CTXND2: variants seen among roughly 807,000 people sequenced by gnomAD.
The protein encoded by CTXND2 is cortexin domain containing 2.
At chr1:150,907,343 C>T (rs587768709) in intron 1 of CTXND2, among the ~76,000 whole-genome samples, 23 of 152,322 alleles carry the variant, frequency 1.5e-4, no homozygotes, top group African/African-American at 5.1e-4. Flanking sequence ...CATCCCCCAC[C>T]TCCAGCTCTA....
intron 1 of CTXND2, among the ~76,000 whole-genome samples, chr1:150,899,679 C>G (rs1256901905): frequency 3.3e-5 from 5 of 152,082 alleles, no homozygotes; most frequent in African/African-American, 1.2e-4. Flanking sequence ...AAAACATGGC[C>G]TGATGCAGTG....
chr1:150,893,191 G>T (rs1367140806), intron 1 of CTXND2, among the ~76,000 whole-genome samples: 1 of 151,852 alleles, frequency 6.6e-6, no homozygotes, highest in Admixed American at 6.6e-5. Context: ...AAATATAATT[G>T]ACTTATGTAT....
rs148706919 is a variant in CTXND2 at position 150,912,117 on chromosome 1, T to A, written c.-73-125T>A. The A allele has an allele frequency of 4.1e-4, 159 of 384,658 alleles. 1 individual carries two copies. In the East Asian group the frequency reaches 5.3e-3, roughly 13 times the overall value. 23.8% of individuals were successfully genotyped at this position (384,658 alleles called of 1,614,324 possible). A position where few individuals can be genotyped will look rare whatever the true frequency, so the allele number is the denominator to read the frequency against. The stretch of plus-strand genomic sequence containing the variant: ...ATATTAACTTTATCAGTTTTGTAAC[T>A]GCTTCTTAAGTAAATCTTACTGATA... On this transcript the variant is annotated intron_variant, in intron 1 of 1. Coordinates refer to ENST00000636087, the Ensembl canonical transcript of CTXND2.
At chr1:150,895,233 T>C (rs1188439749) in intron 1 of CTXND2, among the ~76,000 whole-genome samples, 1 of 152,112 alleles carries the variant, frequency 6.6e-6, no homozygotes, top group Non-Finnish European at 1.5e-5. Context: ...TTTTAAAAAA[T>C]AGACTATAGC....
intron 1 of CTXND2, among the ~76,000 whole-genome samples, chr1:150,901,700 G>A (rs987000649): frequency 4.0e-5 from 6 of 151,028 alleles, no homozygotes; most frequent in Non-Finnish European, 8.9e-5. Context: ...AGATCATGAG[G>A]TCAGGAGATC....
At chr1:150,894,187 T>C (rs1668886644) in intron 1 of CTXND2, among the ~76,000 whole-genome samples, 2 of 152,140 alleles carry the variant, frequency 1.3e-5, no homozygotes. Context: ...CTTGCATTTC[T>C]GGGAAAAACT....
intron 1 of CTXND2, among the ~76,000 whole-genome samples, chr1:150,907,930 T>C (rs1382737273): frequency 2.0e-5 from 3 of 152,158 alleles, no homozygotes; most frequent in African/African-American, 4.8e-5. Flanking sequence ...AGGATGGTCT[T>C]GATCTCCTAA....
intron 1 of CTXND2, among the ~76,000 whole-genome samples, chr1:150,894,814 T>C (rs1668893360): frequency 6.6e-6 from 1 of 152,070 alleles, no homozygotes; most frequent in Non-Finnish European, 1.5e-5. Context: ...GGCGGGTGGA[T>C]CACCTGAGGT....
intron 1 of CTXND2, among the ~76,000 whole-genome samples, chr1:150,896,977 T>C (rs1668921241): frequency 6.6e-6 from 1 of 151,990 alleles, no homozygotes; most frequent in South Asian, 2.1e-4. Context: ...ACAAAGAGAA[T>C]GTTAAAGGAA....
intron 1 of CTXND2, among the ~76,000 whole-genome samples, chr1:150,890,974 C>T (rs587759541): frequency 1.6e-4 from 25 of 152,258 alleles, no homozygotes; most frequent in African/African-American, 6.0e-4. Context: ...ACAAAGACTT[C>T]TATAACTAAT....
chr1:150,901,420 T>C (rs1038725937), intron 1 of CTXND2, among the ~76,000 whole-genome samples: 1 of 152,190 alleles, frequency 6.6e-6, no homozygotes, highest in African/African-American at 2.4e-5. Flanking sequence ...ATGTGGAAAC[T>C]CAGGGACTCT....
exon 2 of CTXND2, chr1:150,912,611 G>A (rs1457091700): frequency 5.0e-6 from 2 of 396,782 alleles, no homozygotes; most frequent in East Asian, 7.1e-5. Context: ...TGAAACACAA[G>A]CCAGTTTGTA....
intron 1 of CTXND2, among the ~76,000 whole-genome samples, chr1:150,900,812 T>C (rs1030563696): frequency 5.9e-5 from 9 of 152,064 alleles, no homozygotes; most frequent in Admixed American, 2.0e-4. Context: ...GAACAGACCA[T>C]TTACATAAAA....
rs957430482 is a variant in CTXND2, at chr1:150,898,403, T to C, written c.-74+11090T>C. Among the ~76,000 whole-genome samples, 3 of 152,104 alleles carry C rather than the reference T, an allele frequency of 2.0e-5. No individual in the cohort carries two copies. The East Asian group carries it at 5.8e-4, about 29-fold the overall frequency. On this transcript the variant is annotated intron_variant, in intron 1 of 1. Transcript: ENST00000636087. ...AGCCCTCTTGGGTGGAATCTTCTTT[T>C]ATATGACCTCAGACTGGACCCTATC...
chr1:150,903,720 C>A (rs1337785939), intron 1 of CTXND2, among the ~76,000 whole-genome samples: 1 of 151,766 alleles, frequency 6.6e-6, no homozygotes, highest in African/African-American at 2.4e-5. Context: ...ATCGCTTGAA[C>A]CTGGGAGGCA....
intron 1 of CTXND2, among the ~76,000 whole-genome samples, chr1:150,902,745 CTCTT>C (rs587698353): frequency 1.5e-3 from 234 of 152,102 alleles, no homozygotes; most frequent in African/African-American, 5.4e-3. Flanking sequence ...GGGGAAAAAA[CTCTT>C]AAAGTGGAAT....
At chr1:150,899,121 TAAATAAATAAAC>T (rs139214344) in intron 1 of CTXND2, among the ~76,000 whole-genome samples, 57,557 of 144,558 alleles carry the variant, frequency 0.4, 11,773 homozygotes, top group South Asian at 0.53. Context: ...AATAAATAAA[TAAATAAATAAAC>T]AAACAAACAA....
intron 1 of CTXND2, among the ~76,000 whole-genome samples, 192 bp downstream of exon 1, chr1:150,887,505 C>T (rs1668789097): frequency 6.6e-6 from 1 of 151,994 alleles, no homozygotes; most frequent in South Asian, 2.1e-4. Flanking sequence ...GTTGCCCAGA[C>T]TGAACTCAAA....
chr1:150,898,952 G>C (rs1012718418), intron 1 of CTXND2, among the ~76,000 whole-genome samples: 2 of 145,054 alleles, frequency 1.4e-5, no homozygotes, highest in African/African-American at 5.1e-5. Flanking sequence ...ATATATATTA[G>C]CTGGGCGTGG....
Sources: allele counts gnomAD v4.1 joint callset (sites outside exome capture counted in the v4.1 genomes callset), GRCh38; gene constraint gnomAD v4.1.1; transcripts MANE v1.5; gene names NCBI Gene and HGNC (gene_info 2026-07-23, HGNC 2026-07-21).